Variants in FEZ1 observed in about 807,000 individuals in gnomAD.
FEZ1 encodes fasciculation and elongation protein zeta-1.
A neutral mutation model predicts 49.3 loss-of-function variants in FEZ1; 20 were observed. The ratio of observed to expected loss-of-function variants is 0.41; its 90% CI spans 0.29 to 0.59. The LOEUF (loss-of-function observed/expected upper bound fraction) is 0.59. FEZ1 is among the 20% of genes least tolerant of loss of function. FEZ1 has a pLI of 0.36. For missense variants in FEZ1, 413 were observed against 476.0 expected (o/e 0.87, Z 1.23); for synonymous variants, 170 against 180.9 (o/e 0.94, Z 0.48).
chr11:125,476,780 A>G (rs1257984478), intron 3 of FEZ1, among the ~76,000 whole-genome samples: 1 of 152,216 alleles, frequency 6.6e-6, no homozygotes, highest in Non-Finnish European at 1.5e-5. Flanking sequence ...CAGAATGCTA[A>G]ATAATAATAT....
At chr11:125,470,001 C>T (rs949766193) in intron 3 of FEZ1, among the ~76,000 whole-genome samples, 20 of 152,106 alleles carry the variant, frequency 1.3e-4, no homozygotes, top group Admixed American at 5.2e-4. Context: ...AGGAGTAAAC[C>T]ACCATGCCTG....
chr11:125,460,516 T>G lies in FEZ1; in HGVS notation c.649A>C (p.Asn217His), dbSNP rs1370212461. Residue 217 changes from asparagine to histidine, a missense_variant, in exon 5 of 10, where the codon AAC (asparagine) becomes CAC (histidine). Asn to His is a moderately conservative substitution (Grantham distance 68). Coordinates refer to ENST00000278919, the MANE Select transcript of FEZ1 (RefSeq NM_005103.5). Reference protein sequence around the residue: ...EMQALTQTFNNNWSYEGLRHM... With the variant: ...EMQALTQTFNHNWSYEGLRHM... The stretch of plus-strand genomic sequence containing the variant: ...CCCTCACCTTCATAGGACCAGTTGT[T>G]GTTGAAGGTCTGTGTCAATGCCTGC... 2 of 1,613,884 alleles carry G rather than the reference T, an allele frequency of 1.2e-6. No homozygotes were observed. The highest frequency in any genetic ancestry group is 1.7e-6 in the Non-Finnish European group (2 of 1,179,998).
At chr11:125,482,103 C>A (rs1565302640) in intron 2 of FEZ1, among the ~76,000 whole-genome samples, 1 of 152,084 alleles carries the variant, frequency 6.6e-6, no homozygotes, top group Non-Finnish European at 1.5e-5. Flanking sequence ...CTGGCTGAAT[C>A]TCATTAAGAT....
intron 4 of FEZ1, chr11:125,463,238 A>C: frequency 4.2e-6 from 1 of 237,448 alleles, no homozygotes; most frequent in South Asian, 8.6e-5. Flanking sequence ...TCCGGGAGGC[A>C]GAGGTTGCAA....
At chr11:125,448,468 C>G (rs1321713393) in intron 9 of FEZ1, 34 bp downstream of exon 9, 1 of 1,455,958 alleles carries the variant, frequency 6.9e-7, no homozygotes, top group East Asian at 2.3e-5. Context: ...CCAGAGAACC[C>G]CTTCTGCTCC....
At position 125,489,873 on chromosome 11, in the gene FEZ1, AAT is replaced by A. The variant is rs762875635; in HGVS notation, c.-45-53_-45-52del. 1.0e-4 allele frequency: 146 copies of A among 1,422,688 alleles called. No homozygotes were observed. Among genetic ancestry groups the A allele is most frequent in the Non-Finnish European group, 1.3e-4 (146 of 1,083,492 alleles). 88.1% of individuals were successfully genotyped at this position (1,422,688 alleles called of 1,614,324 possible). On this transcript the variant is annotated intron_variant, in intron 1 of 9. Coordinates refer to ENST00000278919, the MANE Select transcript of FEZ1 (RefSeq NM_005103.5). This position sits in a 1 kb window ranked among gnomAD's most constrained non-coding sequence, Gnocchi z 4.2. ...GAGTTTAGACCAGGCTAATCTAAAT[AAT>A]AGAGTTAACTTTAGAGACACACCTG... is the stretch of plus-strand genomic sequence containing the variant.
At chr11:125,448,421 G>T in intron 9 of FEZ1, 81 bp downstream of exon 9, 1 of 920,640 alleles carries the variant, frequency 1.1e-6, no homozygotes. Context: ...GTCTGGCATG[G>T]GCAAGCTGGG....
At chr11:125,473,326 A>G (rs542743563) in intron 3 of FEZ1, among the ~76,000 whole-genome samples, 2 of 152,348 alleles carry the variant, frequency 1.3e-5, no homozygotes, top group East Asian at 3.9e-4. Context: ...ATGGTACTGG[A>G]ATAATTGAAT....
intron 3 of FEZ1, among the ~76,000 whole-genome samples, chr11:125,477,567 T>C (rs1591596591): frequency 6.6e-6 from 1 of 152,130 alleles, no homozygotes; most frequent in South Asian, 2.1e-4. Flanking sequence ...GCCTTCTATA[T>C]GCAAACTAAC....
rs982294629 is a variant in FEZ1 at position 125,446,065 on chromosome 11, C to A, written c.*30G>T. 6.2e-7 allele frequency: 1 copy of A among 1,610,896 alleles called. No individual in the cohort carries two copies. ...TGGAATGACTCTTGCTCAGTGACCT[C>A]CTGCAGCGAGGCTGCTCCAAAGGGC... On this transcript the variant is annotated 3_prime_UTR_variant, in exon 10 of 10. Coordinates refer to ENST00000278919, the MANE Select transcript of FEZ1 (RefSeq NM_005103.5).
intron 1 of FEZ1, among the ~76,000 whole-genome samples, chr11:125,493,442 G>T (rs1329439016): frequency 2.3e-5 from 1 of 44,346 alleles, no homozygotes; most frequent in Non-Finnish European, 3.8e-5. Flanking sequence ...AGGAAAGAAG[G>T]AAAGAAGGAA....
At chr11:125,476,569 C>A (rs1297722614) in intron 3 of FEZ1, among the ~76,000 whole-genome samples, 2 of 151,996 alleles carry the variant, frequency 1.3e-5, no homozygotes, top group Admixed American at 6.6e-5. Flanking sequence ...AAAATTCATT[C>A]TAAAGCACAT....
intron 2 of FEZ1, among the ~76,000 whole-genome samples, chr11:125,485,782 A>G (rs1438598870): frequency 6.8e-6 from 1 of 146,928 alleles, no homozygotes; most frequent in African/African-American, 2.5e-5. Flanking sequence ...CTAAAAGACA[A>G]AAAAAAAAAA....
Position 125,489,866 on chromosome 11 carries a change from T to A in FEZ1, c.-45-44A>T. The A allele has an allele frequency of 6.8e-7, 1 of 1,463,664 alleles. No homozygotes were observed. The highest frequency in any genetic ancestry group is 9.0e-7 in the Non-Finnish European group (1 of 1,105,880). The allele number at this position is 1,463,664 out of a possible 1,614,324, so 90.7% of individuals were successfully genotyped here. A position where few individuals can be genotyped will look rare whatever the true frequency, so the allele number is the denominator to read the frequency against. On this transcript the variant is annotated intron_variant, in intron 1 of 9. Coordinates refer to ENST00000278919, the MANE Select transcript of FEZ1 (RefSeq NM_005103.5). This position sits in a 1 kb window ranked among gnomAD's most constrained non-coding sequence, Gnocchi z 4.2. ...GTAATGTGAGTTTAGACCAGGCTAA[T>A]CTAAATAATAGAGTTAACTTTAGAG...
chr11:125,461,207 T>A (rs748225182), intron 4 of FEZ1, among the ~76,000 whole-genome samples: 1 of 151,450 alleles, frequency 6.6e-6, no homozygotes, highest in South Asian at 2.1e-4. Flanking sequence ...ATAGGTGGAG[T>A]CTAGAGAGCA....
intron 3 of FEZ1, among the ~76,000 whole-genome samples, chr11:125,472,037 GA>G (rs1395704015): frequency 4.6e-5 from 7 of 152,054 alleles, no homozygotes; most frequent in South Asian, 2.1e-4. Context: ...GAAATTGCAA[GA>G]AAAAATTAGA....
intron 1 of FEZ1, among the ~76,000 whole-genome samples, chr11:125,490,664 C>A (rs1362590104): frequency 1.3e-5 from 2 of 152,080 alleles, no homozygotes; most frequent in Non-Finnish European, 2.9e-5. Flanking sequence ...GAGTTCAAGA[C>A]CAGCCTGGGC....
chr11:125,463,189 C>T, intron 4 of FEZ1: 1 of 195,344 alleles, frequency 5.1e-6, no homozygotes, highest in Non-Finnish European at 1.0e-5. Context: ...GCCTGTAGTC[C>T]CAGCTACTCG....
intron 1 of FEZ1, among the ~76,000 whole-genome samples, chr11:125,492,831 G>A (rs2702010): frequency 6.6e-6 from 1 of 151,684 alleles, no homozygotes; most frequent in Non-Finnish European, 1.5e-5. Flanking sequence ...AGCTGGGCAC[G>A]GTGGCTCACA....
Sources: allele counts gnomAD v4.1 joint callset (sites outside exome capture counted in the v4.1 genomes callset), GRCh38; gene constraint gnomAD v4.1.1; non-coding constraint Gnocchi (gnomAD v3.1); transcripts MANE v1.5; gene names NCBI Gene and HGNC (gene_info 2026-07-23, HGNC 2026-07-21).